Variants in MIB1 observed in about 807,000 individuals in gnomAD.
MIB1 encodes MIB E3 ubiquitin protein ligase 1.
Under a neutral mutation model 124.5 loss-of-function variants are expected in MIB1, and 278 were observed. The ratio of observed to expected loss-of-function variants is 2.23; its 90% CI spans 2.02 to 2.47. The LOEUF is 2.47. Among genes scored for constraint, MIB1 ranks in the 30% most tolerant of loss-of-function variants. The pLI is 0.00. For missense variants in MIB1, 957 were observed against 1,254.4 expected (o/e 0.76, Z 3.58); for synonymous variants, 446 against 429.4 (o/e 1.04, Z -0.48).
At chr18:21,863,854 A>G (rs1354119496) in intron 20 of MIB1, among the ~76,000 whole-genome samples, 1 of 151,964 alleles carries the variant, frequency 6.6e-6, no homozygotes, top group Non-Finnish European at 1.5e-5. Context: ...AAATACAAAA[A>G]AATTAGCTGG....
chr18:21,773,594 A>G lies in MIB1; in HGVS notation c.532-30A>G, dbSNP rs1010332776. The G allele has an allele frequency of 2.0e-6, 3 of 1,518,844 alleles. No homozygotes were observed. In the African/African-American group the frequency reaches 4.2e-5, roughly 21 times the overall value. 94.1% of individuals were successfully genotyped at this position (1,518,844 alleles called of 1,614,324 possible). The stretch of plus-strand genomic sequence containing the variant: ...CTAAGCTCTTCCCTCCCCTTTAAAA[A>G]ACTTCTTTTCTCAAAAACTATTCTG... On this transcript the variant is annotated intron_variant, in intron 3 of 20. Coordinates refer to ENST00000261537, the MANE Select transcript of MIB1 (RefSeq NM_020774.4).
At chr18:21,799,759 A>G in intron 8 of MIB1, 82 bp from the exon 9 acceptor site, 1 of 1,287,476 alleles carries the variant, frequency 7.8e-7, no homozygotes, top group Non-Finnish European at 1.1e-6. Flanking sequence ...AAAAGATTAT[A>G]GAAATATTGG....
chr18:21,724,968 G>A (rs1261744247), intron 1 of MIB1, among the ~76,000 whole-genome samples: 2 of 148,070 alleles, frequency 1.4e-5, no homozygotes, highest in African/African-American at 5.0e-5. Flanking sequence ...GGTTGCGGGC[G>A]CCTGTAGTCC....
At chr18:21,858,982 G>A (rs1024881168) in intron 20 of MIB1, among the ~76,000 whole-genome samples, 6 of 152,194 alleles carry the variant, frequency 3.9e-5, no homozygotes, top group Non-Finnish European at 1.5e-5. Context: ...TGTAGCAGCC[G>A]TAACTCATAC....
Position 21,798,240 on chromosome 18 carries a change from A to T in MIB1, c.1237+12A>T, listed in dbSNP as rs1223887521. The T allele has an allele frequency of 6.2e-7, 1 of 1,612,082 alleles. No homozygotes were observed. Among genetic ancestry groups the T allele is most frequent in the Admixed American group, 1.7e-5 (1 of 59,872 alleles). On this transcript the variant is annotated intron_variant, in intron 8 of 20. Coordinates refer to ENST00000261537, the MANE Select transcript of MIB1 (RefSeq NM_020774.4). The stretch of plus-strand genomic sequence containing the variant: ...CAATGCATCTGGTGGTATGTTTTAT[A>T]TTGTGTTTCTTTAAGAGTAATGTGG...
At chr18:21,858,158 C>T (rs532758365) in intron 19 of MIB1, among the ~76,000 whole-genome samples, 2 of 152,282 alleles carry the variant, frequency 1.3e-5, no homozygotes, top group African/African-American at 4.8e-5. Context: ...ATAATTATTG[C>T]TGCCAAAGCT....
intron 12 of MIB1, chr18:21,825,747 C>A: frequency 1.9e-6 from 1 of 529,734 alleles, no homozygotes. Context: ...ATTGAAGAGG[C>A]GATTTGGTTC....
intron 6 of MIB1, among the ~76,000 whole-genome samples, chr18:21,782,977 T>G (rs1366078371): frequency 1.3e-5 from 2 of 152,174 alleles, no homozygotes; most frequent in East Asian, 1.9e-4. Context: ...CATATATAAT[T>G]GTTATATCCT....
intron 10 of MIB1, among the ~76,000 whole-genome samples, chr18:21,808,255 G>A (rs912677971): frequency 6.6e-6 from 1 of 152,092 alleles, no homozygotes; most frequent in African/African-American, 2.4e-5. Context: ...TAGGAAGTAG[G>A]CTCAAGAGAG....
intron 1 of MIB1, among the ~76,000 whole-genome samples, chr18:21,707,208 G>T (rs1289242575): frequency 6.6e-6 from 1 of 152,202 alleles, no homozygotes; most frequent in African/African-American, 2.4e-5. Context: ...TCAGCACCCT[G>T]TGTCTAGCTC....
At chr18:21,707,627 C>T (rs540551423) in intron 1 of MIB1, among the ~76,000 whole-genome samples, 80 of 152,190 alleles carry the variant, frequency 5.3e-4, no homozygotes, top group Non-Finnish European at 9.0e-4. Context: ...CAAACACATC[C>T]GAAGATCAGA....
At chr18:21,864,227 C>A (rs1338526499) in intron 20 of MIB1, among the ~76,000 whole-genome samples, 1 of 152,108 alleles carries the variant, frequency 6.6e-6, no homozygotes, top group Non-Finnish European at 1.5e-5. Context: ...TCTCGCGCCT[C>A]AGCCTCTTGA....
At chr18:21,719,200 A>AG (rs1195473272) in intron 1 of MIB1, among the ~76,000 whole-genome samples, 3 of 151,842 alleles carry the variant, frequency 2.0e-5, no homozygotes, top group African/African-American at 7.3e-5. Context: ...AAAAAAAAAA[A>AG]AAAATTTAGC....
chr18:21,706,781 G>A (rs1419002969), intron 1 of MIB1, among the ~76,000 whole-genome samples: 4 of 152,278 alleles, frequency 2.6e-5, no homozygotes, highest in East Asian at 1.9e-4. Flanking sequence ...CCTGCAGCCC[G>A]CCATGCCTGA....
intron 20 of MIB1, among the ~76,000 whole-genome samples, chr18:21,864,240 A>AGG (rs1211752339): frequency 1.3e-5 from 2 of 152,248 alleles, no homozygotes; most frequent in East Asian, 3.9e-4. Flanking sequence ...CCTCTTGAGT[A>AGG]GCTGGGATTA....
chr18:21,815,058 A>ATATAT (rs2041817035), intron 10 of MIB1, among the ~76,000 whole-genome samples: 1 of 84,998 alleles, frequency 1.2e-5, no homozygotes, highest in East Asian at 3.3e-4. Context: ...TATATATATA[A>ATATAT]AATTATATAT....
chr18:21,738,333 G>A (rs542991781), upstream of MIB1, among the ~76,000 whole-genome samples: 3 of 152,190 alleles, frequency 2.0e-5, no homozygotes, highest in African/African-American at 7.2e-5. Context: ...ATGACTACTG[G>A]GTAAATAAGG....
chr18:21,803,683 C>T (rs570190825), intron 9 of MIB1: 12 of 370,590 alleles, frequency 3.2e-5, no homozygotes, highest in South Asian at 1.6e-4. Context: ...ACAGTTATTT[C>T]GTAACTCTTT....
chr18:21,833,067 A>G (rs2041999176), intron 12 of MIB1, among the ~76,000 whole-genome samples: 1 of 152,222 alleles, frequency 6.6e-6, no homozygotes, highest in East Asian at 1.9e-4. Flanking sequence ...CACAGAAGTT[A>G]AGTAATCTGC....
Sources: gnomAD v4.1 joint callset for allele counts (sites outside exome capture counted in the v4.1 genomes callset) on GRCh38, gnomAD v4.1.1 for gene constraint, MANE v1.5 for transcripts, NCBI Gene and HGNC (gene_info 2026-07-23, HGNC 2026-07-21) for gene names.